Variants in AOPEP observed in about 807,000 individuals in gnomAD.
The protein encoded by AOPEP is aminopeptidase O.
Under a neutral mutation model 98.1 loss-of-function variants are expected in AOPEP, and 77 were observed. The ratio of observed to expected loss-of-function variants is 0.78; its 90% CI spans 0.65 to 0.95. The LOEUF (loss-of-function observed/expected upper bound fraction) is 0.95. AOPEP is among the 40% of genes least tolerant of loss of function. The pLI is 0.00. For missense variants in AOPEP, 1,024 were observed against 1,024.7 expected, an observed-to-expected ratio of 1.00 and a Z score of 0.01; for synonymous variants, 346 against 365.3, an observed-to-expected ratio of 0.95 and a Z score of 0.60.
chr9:95,063,978 G>A (rs2067591629), intron 14 of AOPEP, among the ~76,000 whole-genome samples: 2 of 152,072 alleles, frequency 1.3e-5, no homozygotes, highest in Non-Finnish European at 1.5e-5. Context: ...GCTAGAAAAA[G>A]CTTGCTAACA....
intron 1 of AOPEP, among the ~76,000 whole-genome samples, chr9:94,738,436 G>A (rs896465576): frequency 6.6e-6 from 1 of 152,154 alleles, no homozygotes; most frequent in Admixed American, 6.5e-5. Context: ...TGTAGTGGGA[G>A]TTCTCTGGCG....
At chr9:94,794,692 A>T (rs1390423779) in intron 4 of AOPEP, among the ~76,000 whole-genome samples, 3 of 151,920 alleles carry the variant, frequency 2.0e-5, no homozygotes, top group Admixed American at 2.0e-4. Context: ...TGTATTCTTG[A>T]GGGAAGAAGG....
At chr9:95,011,028 G>A (rs1354748292) in intron 13 of AOPEP, among the ~76,000 whole-genome samples, 1 of 152,116 alleles carries the variant, frequency 6.6e-6, no homozygotes. Context: ...TCTCATTTTA[G>A]ATGAGGTTTC....
intron 6 of AOPEP, 55 bp from the exon 7 acceptor site, chr9:94,928,370 C>A: frequency 7.7e-7 from 1 of 1,304,704 alleles, no homozygotes; most frequent in Non-Finnish European, 1.1e-6. Flanking sequence ...TGCACCAGGA[C>A]CACAACAGTG....
intron 3 of AOPEP, among the ~76,000 whole-genome samples, chr9:94,780,801 A>G (rs1843080441): frequency 6.6e-6 from 1 of 152,216 alleles, no homozygotes. Context: ...ATGACTGGCA[A>G]AGCGCGACCC....
At chr9:95,080,124 A>G (rs1421043267) in intron 14 of AOPEP, among the ~76,000 whole-genome samples, 1 of 152,214 alleles carries the variant, frequency 6.6e-6, no homozygotes, top group Non-Finnish European at 1.5e-5. Context: ...TGCGTTTAGT[A>G]TCTGTCATCT....
At chr9:94,918,895 A>AT (rs113503897) in intron 5 of AOPEP, among the ~76,000 whole-genome samples, 1,951 of 143,244 alleles carry the variant, frequency 0.014, 43 homozygotes, top group African/African-American at 0.043. Context: ...ATGTTTTACT[A>AT]TTTTTTTTTT....
intron 11 of AOPEP, among the ~76,000 whole-genome samples, chr9:94,991,683 C>T (rs901283917): frequency 2.0e-5 from 3 of 152,246 alleles, no homozygotes; most frequent in South Asian, 2.1e-4. Flanking sequence ...GCTGTTTGTT[C>T]CTATTCTTTC....
Position 94,928,500 on chromosome 9 carries a change from C to T in AOPEP, c.1630C>T (p.Gln544Ter), listed in dbSNP as rs1452344180. 1.9e-6 allele frequency: 3 copies of T among 1,550,702 alleles called. No individual in the cohort carries two copies. Among genetic ancestry groups the T allele is most frequent in the Non-Finnish European group, 8.7e-7 (1 of 1,147,034 alleles). The change falls in exon 7 of 17, where the codon CAA (glutamine) becomes TAA (stop). Residue 544 changes from glutamine (Q) to a stop codon, truncating the protein, a stop_gained. Transcript: ENST00000375315. LOFTEE classifies it high-confidence loss of function. The stretch of plus-strand genomic sequence containing the variant: ...CTGGCGTCGCCTCCAGGACGAGATG[C>T]AATGCTCCCCCGAGGAGATGCAGGT... ...LRWRRLQDEM[Q>*]CSPEEMQVLR...
chr9:94,864,113 T>G (rs1489648942), intron 5 of AOPEP, among the ~76,000 whole-genome samples: 1 of 152,222 alleles, frequency 6.6e-6, no homozygotes, highest in Non-Finnish European at 1.5e-5. Flanking sequence ...AGACCCTTTA[T>G]GAATTCCTCA....
chr9:95,124,480 T>C, the AOPEP span, among the ~76,000 whole-genome samples: 1 of 152,198 alleles, frequency 6.6e-6, no homozygotes, highest in South Asian at 2.1e-4. Flanking sequence ...AGCACAATCT[T>C]CTGCAGGGTG....
intron 13 of AOPEP, among the ~76,000 whole-genome samples, chr9:95,033,660 T>C (rs1285510057): frequency 1.3e-5 from 2 of 152,240 alleles, no homozygotes; most frequent in Non-Finnish European, 2.9e-5. Context: ...TGTATTCTAC[T>C]TAATATGTCT....
intron 5 of AOPEP, among the ~76,000 whole-genome samples, chr9:94,851,296 C>G (rs2043518680): frequency 6.6e-6 from 1 of 152,136 alleles, no homozygotes; most frequent in Admixed American, 6.5e-5. Context: ...CGCCCGTTAC[C>G]TCCACCAGTA....
intron 5 of AOPEP, among the ~76,000 whole-genome samples, chr9:94,897,194 A>G (rs2049701747): frequency 6.6e-6 from 1 of 152,178 alleles, no homozygotes; most frequent in African/African-American, 2.4e-5. Context: ...ATAAAGATAT[A>G]TTAATCAGAA....
chr9:95,091,774 C>T (rs555023198), downstream of AOPEP, among the ~76,000 whole-genome samples: 10 of 152,200 alleles, frequency 6.6e-5, no homozygotes, highest in East Asian at 5.8e-4. Context: ...GATAACTAGA[C>T]GGTGTGAGAA....
chr9:95,070,223 TC>T (rs2068353849), intron 14 of AOPEP, among the ~76,000 whole-genome samples: 1 of 152,224 alleles, frequency 6.6e-6, no homozygotes, highest in Non-Finnish European at 1.5e-5. Flanking sequence ...TACCAGCCAG[TC>T]AGCCCACTGT....
chr9:94,819,761 C>G (rs1048491199), intron 5 of AOPEP, among the ~76,000 whole-genome samples: 1 of 150,390 alleles, frequency 6.6e-6, no homozygotes, highest in African/African-American at 2.4e-5. Flanking sequence ...TTCATAGAGA[C>G]GGGGTCTGAC....
At chr9:95,111,554 A>G in the AOPEP span, 1 of 1,614,158 alleles carries the variant, frequency 6.2e-7, no homozygotes, top group Non-Finnish European at 8.5e-7. Flanking sequence ...GGCTGCCGAC[A>G]TCAGTAATTG....
the AOPEP span, chr9:95,111,482 T>C: frequency 3.7e-6 from 6 of 1,613,544 alleles, no homozygotes; most frequent in African/African-American, 2.7e-5. Context: ...TGCTCTCTGC[T>C]GCCTCCCATC....
Sources: gnomAD v4.1 joint callset for allele counts (sites outside exome capture counted in the v4.1 genomes callset) on GRCh38, gnomAD v4.1.1 for gene constraint, MANE v1.5 for transcripts, NCBI Gene and HGNC (gene_info 2026-07-23, HGNC 2026-07-21) for gene names.